Variants in ENOX2 observed in about 807,000 individuals in gnomAD.
ENOX2 encodes the protein APK1 antigen.
In ENOX2, 36 loss-of-function variants were observed where a neutral mutation model predicts 45.0. The ratio of observed to expected loss-of-function variants is 0.80; its 90% confidence interval spans 0.61 to 1.06. The LOEUF (loss-of-function observed/expected upper bound fraction) is 1.06. Among genes scored for constraint, ENOX2 ranks in the 50% least tolerant of loss-of-function variants. The pLI, the probability that ENOX2 is intolerant of heterozygous loss-of-function variation, is 0.00. For synonymous variants in ENOX2, 174 were observed against 152.3 expected, an observed-to-expected ratio of 1.14 and a Z score of -1.05; for missense variants, 423 against 462.5, an observed-to-expected ratio of 0.91 and a Z score of 0.78.
At chrX:130,898,374 AAAGTAG>A (rs1266554773) in intron 2 of ENOX2, among the ~76,000 whole-genome samples, 1 of 112,217 alleles carries the variant, frequency 8.9e-6, no homozygotes, top group Non-Finnish European at 1.9e-5. Flanking sequence ...CAAAAGGTTA[AAAGTAG>A]AAGTCATATG....
intron 6 of ENOX2, among the ~76,000 whole-genome samples, chrX:130,675,832 T>C (rs1254383620): frequency 8.9e-6 from 1 of 111,877 alleles, no homozygotes; most frequent in Non-Finnish European, 1.9e-5. Flanking sequence ...CATACCTGAA[T>C]ACATATATAG....
intron 2 of ENOX2, among the ~76,000 whole-genome samples, chrX:130,790,694 GCTT>G (rs1481396401): frequency 2.7e-5 from 3 of 111,474 alleles, no homozygotes; most frequent in Non-Finnish European, 5.6e-5. Flanking sequence ...TCCTCCACCT[GCTT>G]CTTAATTTTC....
chrX:130,877,508 G>A (rs761661097), intron 2 of ENOX2, among the ~76,000 whole-genome samples: 7 of 111,857 alleles, frequency 6.3e-5, no homozygotes, highest in Admixed American at 1.9e-4. Flanking sequence ...TGAACTATTT[G>A]TCTGAGCGTT....
chrX:130,884,707 T>C (rs1407306225), intron 2 of ENOX2, among the ~76,000 whole-genome samples: 11 of 109,822 alleles, frequency 1.0e-4, no homozygotes, highest in Non-Finnish European at 1.5e-4. Flanking sequence ...TTTTAAAAGA[T>C]AAGAATGCTG....
intron 2 of ENOX2, among the ~76,000 whole-genome samples, chrX:130,866,644 G>GT (rs1447010913): frequency 9.0e-6 from 1 of 111,423 alleles, no homozygotes; most frequent in Non-Finnish European, 1.9e-5. Flanking sequence ...AAAATCCTAT[G>GT]TATGCTCAAG....
intron 3 of ENOX2, among the ~76,000 whole-genome samples, chrX:130,746,315 A>C (rs948710472): frequency 8.9e-6 from 1 of 112,104 alleles, no homozygotes; most frequent in African/African-American, 3.2e-5. Flanking sequence ...CTGCTGTCTG[A>C]CATAGCTTCA....
chrX:130,702,257 G>A (rs978761186), intron 4 of ENOX2, among the ~76,000 whole-genome samples: 4 of 111,368 alleles, frequency 3.6e-5, no homozygotes, highest in Non-Finnish European at 7.5e-5. Flanking sequence ...GGGACCTTGC[G>A]AAAATGCAGC....
chrX:130,860,032 T>C (rs893692570), intron 2 of ENOX2, among the ~76,000 whole-genome samples: 11 of 110,148 alleles, frequency 1.0e-4, no homozygotes, highest in Non-Finnish European at 1.7e-4. Context: ...CTCGGCTCAC[T>C]GCAACCTCTG....
In ENOX2 at chrX:130,665,611, C is replaced by A. The variant is rs370502329; in HGVS notation, c.1014+32G>T. 4.8e-6 allele frequency: 5 copies of A among 1,031,606 alleles called. No individual in the cohort carries two copies. The East Asian group carries it at 9.5e-5, about 20-fold the overall frequency. The allele number at this position is 1,031,606 out of a possible 1,213,427, so 85.0% of individuals were successfully genotyped here. A position where few individuals can be genotyped will look rare whatever the true frequency, so the allele number is the denominator to read the frequency against. ...CTTGTTAACGAAAGAAACTGTCCCC[C>A]CAAGGGGCTACCAGAATAAAAAGTT... On this transcript the variant is annotated intron_variant, in intron 9 of 14. Coordinates refer to ENST00000394363, the MANE Select transcript of ENOX2 (RefSeq NM_006375.4).
intron 2 of ENOX2, among the ~76,000 whole-genome samples, chrX:130,825,919 G>T (rs530633528): frequency 1.8e-5 from 2 of 111,045 alleles, no homozygotes; most frequent in Admixed American, 9.6e-5. Context: ...TATTGTTATA[G>T]TTGTTCTATT....
At chrX:130,757,056 A>G (rs1603340675) in intron 3 of ENOX2, among the ~76,000 whole-genome samples, 1 of 112,352 alleles carries the variant, frequency 8.9e-6, no homozygotes, top group East Asian at 2.8e-4. Context: ...CATACGTCCC[A>G]TAAGAATTCT....
intron 3 of ENOX2, among the ~76,000 whole-genome samples, chrX:130,707,608 T>A (rs1331173778): frequency 9.0e-6 from 1 of 111,357 alleles, no homozygotes; most frequent in Non-Finnish European, 1.9e-5. Context: ...TCAACTATAT[T>A]CTTTCATTAA....
intron 4 of ENOX2, among the ~76,000 whole-genome samples, chrX:130,693,448 G>C (rs2037669195): frequency 1.8e-5 from 2 of 111,870 alleles, no homozygotes; most frequent in African/African-American, 3.3e-5. Context: ...AGGTTCAAGG[G>C]GGGTTTAGTT....
chrX:130,821,994 G>A (rs191050854), intron 2 of ENOX2, among the ~76,000 whole-genome samples: 1 of 103,415 alleles, frequency 9.7e-6, no homozygotes, highest in Admixed American at 1.0e-4. Flanking sequence ...CTTGAGCTCA[G>A]GAGGCAGAGG....
intron 2 of ENOX2, among the ~76,000 whole-genome samples, chrX:130,839,928 AT>A (rs2077986123): frequency 9.0e-6 from 1 of 111,686 alleles, no homozygotes; most frequent in South Asian, 3.8e-4. Flanking sequence ...CCTCTAGTGC[AT>A]GTAAAACTAT....
chrX:130,794,366 C>A (rs1259233691), intron 2 of ENOX2, among the ~76,000 whole-genome samples: 1 of 112,237 alleles, frequency 8.9e-6, no homozygotes, highest in Admixed American at 9.4e-5. Flanking sequence ...TCCCTTCAGG[C>A]TGATTGATTT....
intron 3 of ENOX2, among the ~76,000 whole-genome samples, chrX:130,757,317 G>C (rs772434097): frequency 8.9e-6 from 1 of 112,155 alleles, no homozygotes; most frequent in South Asian, 3.8e-4. Context: ...ACTGGTGAAA[G>C]AATAAGGTCA....
At chrX:130,692,578 C>CTTTT in intron 4 of ENOX2, among the ~76,000 whole-genome samples, 1 of 106,383 alleles carries the variant, frequency 9.4e-6, no homozygotes, top group African/African-American at 3.5e-5. Context: ...TTATCTCTCT[C>CTTTT]TGTTTTTTTT....
chrX:130,631,362 A>T (rs148439597), intron 13 of ENOX2, 106 bp downstream of exon 13: 164 of 507,958 alleles, frequency 3.2e-4, no homozygotes, highest in African/African-American at 3.0e-3. Flanking sequence ...TTGCGCTGCC[A>T]TGCTTCATAA....
Sources: allele counts gnomAD v4.1 joint callset (sites outside exome capture counted in the v4.1 genomes callset), GRCh38; gene constraint gnomAD v4.1.1; transcripts MANE v1.5; gene names NCBI Gene and HGNC (gene_info 2026-07-23, HGNC 2026-07-21).